GABARAPL2: variants seen among roughly 807,000 people sequenced by gnomAD.
The protein encoded by GABARAPL2 is GABA type A receptor associated protein like 2.
GABARAPL2 carries 11 observed loss-of-function variants against 16.9 expected under a neutral mutation model. The observed-to-expected ratio is 0.65, with a 90% CI of 0.41 to 1.08. The LOEUF (loss-of-function observed/expected upper bound fraction) is 1.08, where lower values mean the gene tolerates loss of function less well. GABARAPL2 is among the 50% of genes least tolerant of loss of function. The probability of loss-of-function intolerance (pLI) is 0.00; values close to 1 mark genes in which losing one functional copy is unlikely to be tolerated. For missense variants in GABARAPL2, 134 were observed against 142.5 expected, an observed-to-expected ratio of 0.94 and a Z score of 0.30; for synonymous variants, 57 against 50.7, an observed-to-expected ratio of 1.12 and a Z score of -0.53.
At chr16:75,567,938 C>A in intron 2 of GABARAPL2, 99 bp from the exon 3 acceptor site, 1 of 823,368 alleles carries the variant, frequency 1.2e-6, no homozygotes, top group Non-Finnish European at 2.0e-6. Flanking sequence ...AGTTCCCCAC[C>A]CACCTCCTTG....
intron 3 of GABARAPL2, among the ~76,000 whole-genome samples, chr16:75,575,358 C>T (rs1450857534): frequency 2.0e-5 from 3 of 151,942 alleles, no homozygotes; most frequent in Admixed American, 6.6e-5. Flanking sequence ...TACAATGGCA[C>T]GATCTTGGCT....
At chr16:75,573,151 A>G (rs2080926507) in intron 3 of GABARAPL2, among the ~76,000 whole-genome samples, 1 of 152,252 alleles carries the variant, frequency 6.6e-6, no homozygotes, top group South Asian at 2.1e-4. Context: ...GGTTTATGGA[A>G]TGTGTCCCAA....
intron 3 of GABARAPL2, chr16:75,572,462 G>T (rs3743604): frequency 0.16 from 24,753 of 152,316 alleles, 2,142 homozygotes; most frequent in Middle Eastern, 0.2. Context: ...TGGGGCGAAC[G>T]TAGGTTCTCT....
intron 3 of GABARAPL2, among the ~76,000 whole-genome samples, chr16:75,573,504 G>A (rs906790793): frequency 1.3e-5 from 2 of 152,240 alleles, no homozygotes; most frequent in South Asian, 2.1e-4. Flanking sequence ...TGCCAACTAA[G>A]TTTCCACATG....
At position 75,577,791 on chromosome 16, in the gene GABARAPL2, A is replaced by T. The variant is rs2080958719; in HGVS notation, c.*422A>T. ...ACACTTGCTTCACTAGAATATGCCA[A>T]CTGCCAATCATGTTGGACTGAGCTA... On this transcript the variant is annotated 3_prime_UTR_variant, in exon 4 of 4. Coordinates refer to ENST00000037243, the MANE Select transcript of GABARAPL2 (RefSeq NM_007285.7). The T allele has an allele frequency of 6.2e-6, 1 of 161,490 alleles. No homozygotes were observed. Among genetic ancestry groups the T allele is most frequent in the African/African-American group, 2.4e-5 (1 of 41,578 alleles). 10.0% of individuals were successfully genotyped at this position (161,490 alleles called of 1,614,324 possible).
At chr16:75,574,137 A>G (rs1418459462) in intron 3 of GABARAPL2, among the ~76,000 whole-genome samples, 1 of 152,188 alleles carries the variant, frequency 6.6e-6, no homozygotes, top group Non-Finnish European at 1.5e-5. Context: ...GTCAGGGCTC[A>G]GAGTCTCACG....
intron 3 of GABARAPL2, chr16:75,572,350 A>C (rs2080920306): frequency 6.6e-6 from 1 of 152,286 alleles, no homozygotes; most frequent in African/African-American, 2.4e-5. Context: ...GTCCAGTGGA[A>C]GCGCGTGGAC....
chr16:75,571,671 C>CTT (rs576323236), intron 3 of GABARAPL2, among the ~76,000 whole-genome samples: 9 of 139,470 alleles, frequency 6.5e-5, no homozygotes, highest in Non-Finnish European at 1.1e-4. Flanking sequence ...AAGGACAGGA[C>CTT]TTTTTTTTTT....
At chr16:75,566,972 C>T in intron 2 of GABARAPL2, 65 bp downstream of exon 2, 3 of 1,317,612 alleles carry the variant, frequency 2.3e-6, no homozygotes, top group Non-Finnish European at 3.3e-6. Context: ...GTGATAGGCC[C>T]CAGGCCATTC....
intron 3 of GABARAPL2, among the ~76,000 whole-genome samples, chr16:75,569,004 G>C (rs2080900199): frequency 6.6e-6 from 1 of 152,078 alleles, no homozygotes; most frequent in South Asian, 2.1e-4. Context: ...GTGAGTTTCT[G>C]GCCACATCTT....
Position 75,568,252 on chromosome 16 carries a change from T to G in GABARAPL2, c.263+43T>G, listed in dbSNP as rs376524351. ...GATGGGCCCTCTGGTATTAGACATC[T>G]GGTTGGCTGCTTACGGAACTCCAAA... On this transcript the variant is annotated intron_variant, in intron 3 of 3. Transcript: ENST00000037243. 3 of 1,426,726 alleles carry G rather than the reference T, an allele frequency of 2.1e-6. No individual in the cohort carries two copies. In the African/African-American group the frequency reaches 4.2e-5, roughly 20 times the overall value. 88.4% of individuals were successfully genotyped at this position (1,426,726 alleles called of 1,614,324 possible). A position where few individuals can be genotyped will look rare whatever the true frequency, so the allele number is the denominator to read the frequency against.
At chr16:75,574,490 G>C (rs575509949) in intron 3 of GABARAPL2, among the ~76,000 whole-genome samples, 1 of 152,290 alleles carries the variant, frequency 6.6e-6, no homozygotes, top group South Asian at 2.1e-4. Flanking sequence ...AGTTGTGGCA[G>C]TAGCTGTAGT....
chr16:75,569,602 G>T (rs2080903425), intron 3 of GABARAPL2, among the ~76,000 whole-genome samples: 1 of 152,142 alleles, frequency 6.6e-6, no homozygotes, highest in South Asian at 2.1e-4. Context: ...GGAGGTGTTG[G>T]CTTAGTGGGA....
chr16:75,576,987 C>T (rs8052388), intron 3 of GABARAPL2: 10,492 of 293,144 alleles, frequency 0.036, 1,075 homozygotes, highest in African/African-American at 0.21. Flanking sequence ...TTAGTTTCTT[C>T]CCTTGTCCTT....
chr16:75,574,344 A>G (rs2080934325), intron 3 of GABARAPL2, among the ~76,000 whole-genome samples: 1 of 152,260 alleles, frequency 6.6e-6, no homozygotes, highest in South Asian at 2.1e-4. Context: ...CAAACTTGAC[A>G]GAGACACTAT....
intron 3 of GABARAPL2, among the ~76,000 whole-genome samples, chr16:75,570,520 T>TA (rs982107864): frequency 1.4e-4 from 22 of 152,046 alleles, no homozygotes; most frequent in Non-Finnish European, 1.0e-4. Context: ...CTGGGGAAAT[T>TA]AGAGAAGGGA....
chr16:75,567,009 C>T (rs1440631952), intron 2 of GABARAPL2, 102 bp downstream of exon 2: 2 of 1,038,924 alleles, frequency 1.9e-6, no homozygotes, highest in Non-Finnish European at 1.5e-6. Context: ...AGGTTCCAGT[C>T]CCAGTTACAG....
chr16:75,575,630 T>G (rs1013901442), intron 3 of GABARAPL2: 3 of 152,278 alleles, frequency 2.0e-5, no homozygotes, highest in African/African-American at 7.2e-5. Context: ...TTTGTATTTT[T>G]TAGTAGAGAC....
intron 2 of GABARAPL2, 96 bp downstream of exon 2, chr16:75,567,003 T>C: frequency 9.2e-7 from 1 of 1,090,370 alleles, no homozygotes; most frequent in Admixed American, 1.8e-5. Flanking sequence ...AAGTTGAGGT[T>C]CCAGTCCCAG....
Sources: gnomAD v4.1 joint callset for allele counts (sites outside exome capture counted in the v4.1 genomes callset) on GRCh38, gnomAD v4.1.1 for gene constraint, MANE v1.5 for transcripts, NCBI Gene and HGNC (gene_info 2026-07-23, HGNC 2026-07-21) for gene names.